The following BNC2 variants were observed in gnomAD, a reference collection of about 807,000 sequenced individuals.
The protein encoded by BNC2 is basonuclin zinc finger protein 2.
A neutral mutation model predicts 76.3 loss-of-function variants in BNC2; 20 were observed. The observed-to-expected ratio is 0.26, with a 90% CI of 0.18 to 0.38. BNC2 has a LOEUF of 0.38. BNC2 is among the 10% of genes least tolerant of loss of function. The pLI, the probability that BNC2 is intolerant of heterozygous loss-of-function variation, is 1.00. For synonymous variants in BNC2, 582 were observed against 514.8 expected (o/e 1.13, Z -1.77); for missense variants, 1,382 against 1,399.8 (o/e 0.99, Z 0.20).
intron 1 of BNC2, among the ~76,000 whole-genome samples, chr9:16,851,792 C>T (rs147564316): frequency 5.9e-5 from 9 of 152,234 alleles, no homozygotes; most frequent in East Asian, 1.9e-4. Context: ...GCCCAGATCA[C>T]GCCAAAACAG....
chr9:16,646,110 G>A (rs1821615845), intron 3 of BNC2, among the ~76,000 whole-genome samples: 3 of 152,330 alleles, frequency 2.0e-5, no homozygotes, highest in African/African-American at 7.2e-5. Context: ...AGTGAGGATA[G>A]CAAAAGTTTT....
At chr9:16,829,153 C>T (rs1198054330) in intron 1 of BNC2, among the ~76,000 whole-genome samples, 4 of 152,144 alleles carry the variant, frequency 2.6e-5, no homozygotes, top group African/African-American at 9.7e-5. Context: ...GCGGCCTCTG[C>T]GAATTTCCGT....
chr9:16,429,844 G>A (rs566021622), intron 6 of BNC2: 10 of 457,262 alleles, frequency 2.2e-5, no homozygotes, highest in South Asian at 1.6e-4. Flanking sequence ...TTGTAGTGGA[G>A]GAGTGAAAGG....
At position 16,436,786 on chromosome 9, in the gene BNC2, G is replaced by C. The variant is rs774427355; in HGVS notation, c.1408C>G (p.Arg470Gly). The C allele has an allele frequency of 1.2e-6, 2 of 1,614,164 alleles. No homozygotes were observed. Among genetic ancestry groups the C allele is most frequent in the Non-Finnish European group, 8.5e-7 (1 of 1,180,034 alleles). ...ATGTTGCAACCTTCAATGGTGCATCGATGTTTGATCTTCAGGTGAACAGCA... is the reference window on the plus strand; with the variant it reads ...ATGTTGCAACCTTCAATGGTGCATCCATGTTTGATCTTCAGGTGAACAGCA... The part of the protein sequence containing the change: ...YNAVHLKIKH[R>G]CTIEGCNMVF... The change falls in exon 6 of 7, where the codon CGA becomes GGA. Residue 470 changes from arginine (R) to glycine (G), a missense_variant. Arg to Gly is a moderately radical substitution (Grantham distance 125, BLOSUM62 -2). Coordinates refer to ENST00000380672, the MANE Select transcript of BNC2 (RefSeq NM_017637.6).
chr9:16,610,513 T>A (rs139263466), intron 3 of BNC2, among the ~76,000 whole-genome samples: 1 of 152,212 alleles, frequency 6.6e-6, no homozygotes, highest in Non-Finnish European at 1.5e-5. Flanking sequence ...TATAAGGGTC[T>A]ATGAATTGAA....
chr9:16,451,633 C>A (rs1156894140), intron 5 of BNC2, among the ~76,000 whole-genome samples: 1 of 152,208 alleles, frequency 6.6e-6, no homozygotes, highest in Non-Finnish European at 1.5e-5. Context: ...CACCCCTCTG[C>A]CTTTCTGGTA....
intron 1 of BNC2, among the ~76,000 whole-genome samples, chr9:16,739,198 T>TATA (rs1252795288): frequency 6.6e-6 from 1 of 152,124 alleles, no homozygotes; most frequent in Non-Finnish European, 1.5e-5. Flanking sequence ...GTAAGGGCCC[T>TATA]ATACTCCACT....
At chr9:16,807,375 T>C (rs1262132910) in intron 1 of BNC2, among the ~76,000 whole-genome samples, 1 of 152,194 alleles carries the variant, frequency 6.6e-6, no homozygotes, top group Non-Finnish European at 1.5e-5. Flanking sequence ...ACCCAAATCT[T>C]CTTCTAAATC....
At chr9:16,545,140 G>T (rs1407815954) in intron 5 of BNC2, among the ~76,000 whole-genome samples, 1 of 152,138 alleles carries the variant, frequency 6.6e-6, no homozygotes, top group Non-Finnish European at 1.5e-5. Flanking sequence ...ATATATACGT[G>T]TGTATGTGTA....
intron 3 of BNC2, among the ~76,000 whole-genome samples, chr9:16,608,154 A>G (rs189248133): frequency 8.2e-4 from 125 of 152,336 alleles, no homozygotes; most frequent in Non-Finnish European, 1.6e-3. Flanking sequence ...CCATGAGCAG[A>G]AAAAGATTCC....
At chr9:16,431,370 T>A (rs957222599) in intron 6 of BNC2, 1 of 434,950 alleles carries the variant, frequency 2.3e-6, no homozygotes, top group South Asian at 1.7e-5. Flanking sequence ...CAAGTCAGAG[T>A]ATGAGAAATG....
chr9:16,506,911 T>C (rs1037495859), intron 5 of BNC2, among the ~76,000 whole-genome samples: 5 of 150,776 alleles, frequency 3.3e-5, no homozygotes, highest in African/African-American at 1.2e-4. Flanking sequence ...GCCACCACAC[T>C]CGGCTAATTT....
intron 1 of BNC2, among the ~76,000 whole-genome samples, chr9:16,773,470 C>T (rs1825881528): frequency 6.7e-6 from 1 of 149,392 alleles, no homozygotes; most frequent in African/African-American, 2.5e-5. Context: ...GATTTTTCTC[C>T]TAATTGCTGA....
intron 1 of BNC2, among the ~76,000 whole-genome samples, chr9:16,838,549 G>A (rs957184114): frequency 2.4e-4 from 37 of 152,150 alleles, no homozygotes; most frequent in Non-Finnish European, 2.4e-4. Context: ...CAACAAGAGC[G>A]AAACTCCGTG....
At chr9:16,646,751 C>A (rs1821639289) in intron 3 of BNC2, among the ~76,000 whole-genome samples, 1 of 152,064 alleles carries the variant, frequency 6.6e-6, no homozygotes, top group Non-Finnish European at 1.5e-5. Flanking sequence ...ATTGTACCCA[C>A]ATTTAAGAAA....
chr9:16,661,699 G>T (rs1471545842), intron 3 of BNC2, among the ~76,000 whole-genome samples: 2 of 152,136 alleles, frequency 1.3e-5, no homozygotes, highest in African/African-American at 4.8e-5. Context: ...TGTTGTGTGT[G>T]TGTGATTTGT....
intron 6 of BNC2, chr9:16,421,329 GAC>G (rs1340034401): frequency 8.1e-7 from 1 of 1,231,864 alleles, no homozygotes; most frequent in Admixed American, 2.4e-5. Flanking sequence ...AAGAATAAGA[GAC>G]AGAGAGAGAG....
At chr9:16,560,627 C>T (rs192832322) in intron 4 of BNC2, among the ~76,000 whole-genome samples, 191 of 152,246 alleles carry the variant, frequency 1.3e-3, no homozygotes, top group African/African-American at 4.4e-3. Flanking sequence ...CTTGAAGCAA[C>T]AGAGACAGGA....
intron 1 of BNC2, among the ~76,000 whole-genome samples, chr9:16,836,306 A>C (rs1818704593): frequency 6.6e-6 from 1 of 152,190 alleles, no homozygotes; most frequent in Admixed American, 6.5e-5. Context: ...GAAGAATCAG[A>C]GGTCGTTTTT....
Sources: allele counts gnomAD v4.1 joint callset (sites outside exome capture counted in the v4.1 genomes callset), GRCh38; gene constraint gnomAD v4.1.1; transcripts MANE v1.5; gene names NCBI Gene and HGNC (gene_info 2026-07-23, HGNC 2026-07-21).